CYB5R4: variants seen among roughly 807,000 people sequenced by gnomAD.
CYB5R4 encodes cytochrome b5 reductase 4, also known as N-terminal cytochrome b5 and cytochrome b5 oxidoreductase domain-containing protein.
In CYB5R4, 55 loss-of-function variants were observed where a neutral mutation model predicts 70.2. The observed-to-expected ratio is 0.78, with a 90% CI of 0.63 to 0.98. The LOEUF (loss-of-function observed/expected upper bound fraction) is 0.98. CYB5R4 is among the 50% of genes least tolerant of loss of function. CYB5R4 has a pLI of 0.00. For synonymous variants in CYB5R4, 197 were observed against 199.5 expected (o/e 0.99, Z 0.11); for missense variants, 562 against 612.6 (o/e 0.92, Z 0.87).
chr6:83,903,502 T>C (rs1460745434), intron 3 of CYB5R4, among the ~76,000 whole-genome samples: 2 of 152,094 alleles, frequency 1.3e-5, no homozygotes, highest in Non-Finnish European at 2.9e-5. Context: ...GTTGTTTTTG[T>C]ACACTTACTT....
Position 83,925,820 on chromosome 6 carries a change from TTC to T in CYB5R4, c.814+1234_814+1235del, listed in dbSNP as rs1312666271. 3.3e-5 allele frequency among the ~76,000 whole-genome samples: 5 copies of T among 152,208 alleles called. No individual in the cohort carries two copies. In the East Asian group the frequency reaches 9.6e-4, roughly 29 times the overall value. On this transcript the variant is annotated intron_variant, in intron 10 of 15. Coordinates refer to ENST00000369681, the MANE Select transcript of CYB5R4 (RefSeq NM_016230.4). Reference sequence around the variant, plus strand: ...ACTGTTCTTCTAATTATCTTATCTTTTCTCTCTTATTTTCAGTTTTGTCCTTT... The same window carrying T: ...ACTGTTCTTCTAATTATCTTATCTTTTCTCTTATTTTCAGTTTTGTCCTTT...
chr6:83,928,573 T>C (rs1314278251), intron 10 of CYB5R4, among the ~76,000 whole-genome samples: 1 of 152,162 alleles, frequency 6.6e-6, no homozygotes, highest in Non-Finnish European at 1.5e-5. Flanking sequence ...TTGCATATTG[T>C]GCCAAGCATT....
At chr6:83,901,153 GGC>G (rs1217482015) in intron 3 of CYB5R4, among the ~76,000 whole-genome samples, 1 of 152,162 alleles carries the variant, frequency 6.6e-6, no homozygotes, top group African/African-American at 2.4e-5. Flanking sequence ...TTTTAGGGCA[GGC>G]CTGGTGGTGA....
At chr6:83,901,702 C>CTTG (rs2099462995) in intron 3 of CYB5R4, among the ~76,000 whole-genome samples, 1 of 123,808 alleles carries the variant, frequency 8.1e-6, no homozygotes, top group African/African-American at 5.2e-5. Flanking sequence ...TCTATTATTT[C>CTTG]TTGTTTTTTT....
chr6:83,964,249 A>C lies in CYB5R4; in HGVS notation c.*4371A>C, dbSNP rs1374267393. 6.5e-6 allele frequency: 1 copy of C among 153,518 alleles called. No individual in the cohort carries two copies. Among genetic ancestry groups the C allele is most frequent in the Non-Finnish European group, 1.4e-5 (1 of 69,036 alleles). 9.5% of individuals were successfully genotyped at this position (153,518 alleles called of 1,614,324 possible). Reference sequence around the variant, plus strand: ...GCTCAGAAGAAGACAGGAAAATGGGAAAGTTTGGAACTTCCTTGAGACTTG... The same window carrying C: ...GCTCAGAAGAAGACAGGAAAATGGGCAAGTTTGGAACTTCCTTGAGACTTG... On this transcript the variant is annotated 3_prime_UTR_variant, in exon 16 of 16. Transcript: ENST00000369681.
At position 83,967,283 on chromosome 6, in the gene CYB5R4, AC is replaced by A. The variant is rs1221423298; in HGVS notation, c.*7406del. 2 of 152,244 alleles carry A rather than the reference AC, an allele frequency of 1.3e-5. No homozygotes were observed. Among genetic ancestry groups the A allele is most frequent in the African/African-American group, 4.8e-5 (2 of 41,470 alleles). The allele number at this position is 152,244 out of a possible 1,614,324, so 9.4% of individuals were successfully genotyped here. On this transcript the variant is annotated 3_prime_UTR_variant, in exon 16 of 16. Coordinates refer to ENST00000369681, the MANE Select transcript of CYB5R4 (RefSeq NM_016230.4). Reference sequence around the variant, plus strand: ...GATTGGAGAACATTAAACTTGTAGAACTAAAACAAAATGAGAGTTAAAAAAG... The same window carrying A: ...GATTGGAGAACATTAAACTTGTAGAATAAAACAAAATGAGAGTTAAAAAAG...
Position 83,963,997 on chromosome 6 carries a change from CT to C in CYB5R4, c.*4122del. ...CTTGCGGCCGCCATGTAAGAAGTGCCTTTCACCTCCTGCCATGATTCTGAGG... is the reference window on the plus strand; with the variant it reads ...CTTGCGGCCGCCATGTAAGAAGTGCCTTCACCTCCTGCCATGATTCTGAGG... On this transcript the variant is annotated 3_prime_UTR_variant, in exon 16 of 16. Coordinates refer to ENST00000369681, the MANE Select transcript of CYB5R4 (RefSeq NM_016230.4). The C allele has an allele frequency of 4.3e-6, 1 of 230,328 alleles. No homozygotes were observed. The highest frequency in any genetic ancestry group is 8.3e-6 in the Non-Finnish European group (1 of 119,894). The allele number at this position is 230,328 out of a possible 1,614,324, so 14.3% of individuals were successfully genotyped here.
intron 2 of CYB5R4, among the ~76,000 whole-genome samples, chr6:83,874,376 A>AT (rs964042534): frequency 1.3e-5 from 2 of 150,832 alleles, no homozygotes; most frequent in Non-Finnish European, 3.0e-5. Flanking sequence ...AAAAAAAATT[A>AT]TTTTTTTGTA....
chr6:83,885,789 C>A (rs749227313), intron 2 of CYB5R4, among the ~76,000 whole-genome samples: 19 of 152,058 alleles, frequency 1.2e-4, no homozygotes, highest in Non-Finnish European at 2.1e-4. Context: ...GAAATTGGAA[C>A]CTCTAACTAT....
At chr6:83,892,588 GATAAAA>G (rs1271808020) in intron 2 of CYB5R4, among the ~76,000 whole-genome samples, 2 of 152,126 alleles carry the variant, frequency 1.3e-5, no homozygotes, top group African/African-American at 4.8e-5. Flanking sequence ...TTTCTTAAAA[GATAAAA>G]ATAAATAACA....
intron 3 of CYB5R4, among the ~76,000 whole-genome samples, chr6:83,900,839 T>A (rs2099462807): frequency 6.6e-6 from 1 of 152,200 alleles, no homozygotes; most frequent in Admixed American, 6.5e-5. Context: ...CCTCCATCCC[T>A]TAATTTTGAG....
Position 83,919,364 on chromosome 6 carries a change from A to G in CYB5R4, c.507-33A>G. 4.2e-6 allele frequency: 5 copies of G among 1,191,270 alleles called. No homozygotes were observed. The South Asian group carries it at 5.7e-5, about 14-fold the overall frequency. The allele number at this position is 1,191,270 out of a possible 1,614,324, so 73.8% of individuals were successfully genotyped here. The stretch of plus-strand genomic sequence containing the variant: ...TATGTGAATGCACATGATTGTCAAT[A>G]TAATTATTCATCCTTTTATTTATAT... On this transcript the variant is annotated intron_variant, in intron 6 of 15. Transcript: ENST00000369681.
intron 3 of CYB5R4, among the ~76,000 whole-genome samples, chr6:83,903,749 T>G (rs1168858854): frequency 2.0e-5 from 3 of 152,118 alleles, no homozygotes; most frequent in African/African-American, 7.2e-5. Flanking sequence ...TCATGTTTTC[T>G]ATTTCTTCCT....
intron 14 of CYB5R4, among the ~76,000 whole-genome samples, chr6:83,949,117 T>C (rs2099471140): frequency 6.7e-6 from 1 of 149,940 alleles, no homozygotes; most frequent in Admixed American, 6.6e-5. Context: ...TTTTGGGCTT[T>C]TTTTTTTTTT....
chr6:83,931,475 C>A (rs1346348556), intron 10 of CYB5R4, among the ~76,000 whole-genome samples: 2 of 152,086 alleles, frequency 1.3e-5, no homozygotes, highest in Non-Finnish European at 2.9e-5. Flanking sequence ...TTGTGAAATT[C>A]TATTTTTTAA....
chr6:83,917,879 T>C, intron 5 of CYB5R4, 126 bp from the exon 6 acceptor site: 1 of 706,580 alleles, frequency 1.4e-6, no homozygotes, highest in East Asian at 2.7e-5. Context: ...GAAAATATAT[T>C]GAGTAGTACA....
chr6:83,893,857 G>A (rs923855811), intron 3 of CYB5R4, among the ~76,000 whole-genome samples: 3 of 152,096 alleles, frequency 2.0e-5, no homozygotes, highest in Admixed American at 6.6e-5. Context: ...TTAAGTGTTC[G>A]CTGCCTCCTT....
rs1403977212 is a variant in CYB5R4, at chr6:83,918,022, C to T, written c.463C>T (p.Gln155Ter). The change falls in exon 6 of 16, where the codon CAA becomes TAA. Residue 155 changes from glutamine to a stop codon, truncating the protein, a stop_gained. Coordinates refer to ENST00000369681, the MANE Select transcript of CYB5R4 (RefSeq NM_016230.4). LOFTEE classifies it high-confidence loss of function. ...TTGTAAAGGCATGCTTCCCAAGAGCCAAGTGACAGATACACTTGCCAAAGA... is the reference window on the plus strand; with the variant it reads ...TTGTAAAGGCATGCTTCCCAAGAGCTAAGTGACAGATACACTTGCCAAAGA... ...KVLNGMLPKSQVTDTLAKEGP... is the reference protein window; with the variant it reads ...KVLNGMLPKS The T allele has an allele frequency of 6.2e-7, 1 of 1,610,694 alleles. No homozygotes were observed. The highest frequency in any genetic ancestry group is 8.5e-7 in the Non-Finnish European group (1 of 1,177,490).
At chr6:83,863,527 A>G (rs1347933018) in intron 1 of CYB5R4, among the ~76,000 whole-genome samples, 1 of 152,138 alleles carries the variant, frequency 6.6e-6, no homozygotes, top group Non-Finnish European at 1.5e-5. Context: ...AATCTCTTTG[A>G]TTTTTAAGGT....
Sources: allele counts gnomAD v4.1 joint callset (sites outside exome capture counted in the v4.1 genomes callset), GRCh38; gene constraint gnomAD v4.1.1; transcripts MANE v1.5; gene names NCBI Gene and HGNC (gene_info 2026-07-23, HGNC 2026-07-21).